INCENP: variants seen among roughly 807,000 people sequenced by gnomAD.
The protein encoded by INCENP is inner centromere protein, also known as binds and activates aurora-B and -C in vivo and in vitro.
A neutral mutation model predicts 107.3 loss-of-function variants in INCENP; 43 were observed. That is an observed-to-expected ratio of 0.40 (90% confidence interval 0.31 to 0.52). INCENP has a LOEUF of 0.52. Ranked by LOEUF, INCENP falls within the 20% of genes least tolerant of loss-of-function variation. The pLI, the probability that INCENP is intolerant of heterozygous loss-of-function variation, is 0.53. For missense variants in INCENP, 1,089 were observed against 1,250.9 expected (o/e 0.87, Z 1.95); for synonymous variants, 488 against 494.4 (o/e 0.99, Z 0.17).
At chr11:62,127,325 C>T (rs548023030) in intron 1 of INCENP, among the ~76,000 whole-genome samples, 3 of 152,282 alleles carry the variant, frequency 2.0e-5, no homozygotes, top group South Asian at 4.1e-4. Context: ...TGAACCACTG[C>T]ACCCGGCTGG....
chr11:62,141,168 G>A, intron 10 of INCENP, 124 bp downstream of exon 10: 1 of 1,336,942 alleles, frequency 7.5e-7, no homozygotes, highest in Non-Finnish European at 1.0e-6. Context: ...GCCTGGCACT[G>A]TTAGGGGCCG....
chr11:62,135,012 C>G (rs1032173636), intron 4 of INCENP, among the ~76,000 whole-genome samples: 1 of 152,002 alleles, frequency 6.6e-6, no homozygotes, highest in Non-Finnish European at 1.5e-5. Flanking sequence ...ATTCACGCCA[C>G]TTCACTCCAG....
In INCENP at chr11:62,139,880, T is replaced by C. The variant is rs562977488; in HGVS notation, c.1292-354T>C. Reference sequence around the variant, plus strand: ...GGACCGTCCCGCCCTGCCTTGCCTATCATAGAGCCAGGCACTCGCGGGGAG... The same window carrying C: ...GGACCGTCCCGCCCTGCCTTGCCTACCATAGAGCCAGGCACTCGCGGGGAG... On this transcript the variant is annotated intron_variant, in intron 7 of 18. Transcript: ENST00000394818. Among the ~76,000 whole-genome samples the C allele has an allele frequency of 2.1e-3, 325 of 152,198 alleles. 2 individuals are homozygous for C. The highest frequency in any genetic ancestry group is 7.6e-3 in the African/African-American group (317 of 41,508).
chr11:62,141,800 CT>C, intron 11 of INCENP: 1 of 543,036 alleles, frequency 1.8e-6, no homozygotes, highest in Non-Finnish European at 3.3e-6. Context: ...CCACAGCCAC[CT>C]TCCCTCCCTC....
At chr11:62,145,400 T>G in intron 13 of INCENP, 111 bp downstream of exon 13, 6 of 1,490,024 alleles carry the variant, frequency 4.0e-6, no homozygotes, top group African/African-American at 1.4e-5. Flanking sequence ...ACCCATCTCC[T>G]GTCTGCCCCA....
chr11:62,129,318 G>C (rs1943828338), intron 3 of INCENP, among the ~76,000 whole-genome samples: 1 of 152,198 alleles, frequency 6.6e-6, no homozygotes, highest in African/African-American at 2.4e-5. Context: ...GGGTCTTGGG[G>C]TTAGGCTTGG....
At position 62,138,759 on chromosome 11, in the gene INCENP, G is replaced by C; in HGVS notation, c.1162G>C (p.Ala388Pro). The C allele has an allele frequency of 6.2e-7, 1 of 1,614,084 alleles. No homozygotes were observed. The change falls in exon 6 of 19, where the codon GCT (alanine) becomes CCT (proline). Residue 388 changes from alanine (A) to proline (P), a missense_variant. Physicochemically the swap from Ala to Pro is conservative, Grantham distance 27. Coordinates refer to ENST00000394818, the MANE Select transcript of INCENP (RefSeq NM_001040694.2). Reference protein sequence around the residue: ...PPEEAEPVAAAEPEVPENNGN... With the variant: ...PPEEAEPVAAPEPEVPENNGN... ...CGAGGAGGCTGAGCCTGTGGCGGCA[G>C]CTGAGCCAGAGGTAAGACGGCTGCC...
chr11:62,128,753 C>A lies in INCENP; in HGVS notation c.141-17C>A, dbSNP rs373916634. The A allele has an allele frequency of 1.0e-5, 16 of 1,582,062 alleles. No individual in the cohort carries two copies. Among genetic ancestry groups the A allele is most frequent in the Admixed American group, 1.7e-5 (1 of 59,978 alleles). Reference sequence around the variant, plus strand: ...TTCCCAGGCAGCCTCGAGTGACACCCTCCTTGTGCCAAACAGAGAATTCAG... The same window carrying A: ...TTCCCAGGCAGCCTCGAGTGACACCATCCTTGTGCCAAACAGAGAATTCAG... On this transcript the variant is annotated splice_polypyrimidine_tract_variant and intron_variant, in intron 2 of 18. Transcript: ENST00000394818.
intron 4 of INCENP, among the ~76,000 whole-genome samples, chr11:62,133,613 C>T (rs56226083): frequency 0.041 from 6,259 of 152,286 alleles, 216 homozygotes; most frequent in Non-Finnish European, 0.06. Context: ...GCCTGAATGT[C>T]GTGCAGATGG....
intron 13 of INCENP, 66 bp downstream of exon 13, chr11:62,145,355 C>T: frequency 6.3e-7 from 1 of 1,597,824 alleles, no homozygotes; most frequent in Non-Finnish European, 8.5e-7. Flanking sequence ...GACTGGACCC[C>T]TCAGGAAATT....
intron 2 of INCENP, 102 bp downstream of exon 2, chr11:62,128,403 C>A: frequency 7.5e-7 from 1 of 1,325,034 alleles, no homozygotes. Flanking sequence ...CCTGGCAAAA[C>A]AGACAGCCTG....
Position 62,145,232 on chromosome 11 carries a change from G to A in INCENP, c.1779G>A (p.Glu593=). 1 of 1,614,108 alleles carries A rather than the reference G, an allele frequency of 6.2e-7. No homozygotes were observed. Among genetic ancestry groups the A allele is most frequent in the South Asian group, 1.1e-5 (1 of 91,084 alleles). Residue 593 remains glutamate (E), a synonymous_variant, in exon 13 of 19, where the codon GAG becomes GAA. Coordinates refer to ENST00000394818, the MANE Select transcript of INCENP (RefSeq NM_001040694.2). ...QARERVEQMK[E]EKKKQIEQKF... is the part of the protein sequence containing the mutation. ...GCGAGCGGGTGGAGCAGATGAAGGAGGAGAAGAAGAAGCAGATTGAGCAGA... is the reference window on the plus strand; with the variant it reads ...GCGAGCGGGTGGAGCAGATGAAGGAAGAGAAGAAGAAGCAGATTGAGCAGA...
chr11:62,126,877 C>G (rs1052123466), intron 1 of INCENP, among the ~76,000 whole-genome samples: 1 of 152,076 alleles, frequency 6.6e-6, no homozygotes, highest in African/African-American at 2.4e-5. Context: ...GGAATAATGA[C>G]AAGGGAAAAG....
chr11:62,139,403 G>A (rs932001091), intron 7 of INCENP, among the ~76,000 whole-genome samples: 1 of 152,174 alleles, frequency 6.6e-6, no homozygotes, highest in Non-Finnish European at 1.5e-5. Context: ...ACCTTTGTAT[G>A]TCCATCCTTG....
intron 4 of INCENP, 129 bp from the exon 5 acceptor site, chr11:62,137,703 G>A (rs1026355592): frequency 6.3e-6 from 5 of 797,534 alleles, no homozygotes; most frequent in Admixed American, 3.7e-5. Context: ...CCTGGGCATG[G>A]TGGGGGCTCC....
intron 3 of INCENP, 112 bp from the exon 4 acceptor site, chr11:62,129,670 T>C: frequency 1.1e-6 from 1 of 872,814 alleles, no homozygotes; most frequent in South Asian, 1.8e-5. Flanking sequence ...ACCCAGATCT[T>C]TTGCCTTCAC....
intron 1 of INCENP, among the ~76,000 whole-genome samples, chr11:62,125,295 A>G (rs1262991386): frequency 1.3e-5 from 2 of 152,204 alleles, no homozygotes; most frequent in Non-Finnish European, 2.9e-5. Flanking sequence ...AAGAAGTCCA[A>G]TTGCTTTCAT....
In INCENP at chr11:62,138,770, G is replaced by C; in HGVS notation, c.1173G>C (p.Glu391Asp). 2 of 1,614,054 alleles carry C rather than the reference G, an allele frequency of 1.2e-6. No individual in the cohort carries two copies. Among genetic ancestry groups the C allele is most frequent in the South Asian group, 1.1e-5 (1 of 91,082 alleles). Residue 391 changes from glutamate to aspartate, a missense_variant and splice_region_variant, in exon 6 of 19, where the codon GAG (glutamate) becomes GAC (aspartate). By Grantham distance (45) the Glu-to-Asp change is conservative. Transcript: ENST00000394818. ...AGCCTGTGGCGGCAGCTGAGCCAGAGGTAAGACGGCTGCCTGGGGAAGGGA... is the reference window on the plus strand; with the variant it reads ...AGCCTGTGGCGGCAGCTGAGCCAGACGTAAGACGGCTGCCTGGGGAAGGGA... ...EAEPVAAAEP[E>D]VPENNGNNSW...
In INCENP at chr11:62,152,258, G is replaced by C. The variant is rs1441485739; in HGVS notation, c.*282G>C. The C allele has an allele frequency of 2.1e-6, 1 of 473,282 alleles. No individual in the cohort carries two copies. The highest frequency in any genetic ancestry group is 2.0e-5 in the African/African-American group (1 of 51,052). The allele number at this position is 473,282 out of a possible 1,614,324, so 29.3% of individuals were successfully genotyped here. On this transcript the variant is annotated 3_prime_UTR_variant, in exon 19 of 19. Coordinates refer to ENST00000394818, the MANE Select transcript of INCENP (RefSeq NM_001040694.2). The stretch of plus-strand genomic sequence containing the variant: ...TGTAAATAGTTGTTTTAATTTAGCT[G>C]AATGTTAGCATTTTAGTCTTTGGCA...
Sources: allele counts gnomAD v4.1 joint callset (sites outside exome capture counted in the v4.1 genomes callset), GRCh38; gene constraint gnomAD v4.1.1; transcripts MANE v1.5; gene names NCBI Gene and HGNC (gene_info 2026-07-23, HGNC 2026-07-21).